The following SLC39A11 variants were observed in gnomAD, a reference collection of about 807,000 sequenced individuals.
SLC39A11 encodes solute carrier family 39 member 11.
SLC39A11 carries 33 observed loss-of-function variants against 36.1 expected under a neutral mutation model. The observed-to-expected ratio is 0.91, with a 90% CI of 0.69 to 1.22. The LOEUF (loss-of-function observed/expected upper bound fraction) is 1.22. SLC39A11 is among the 50% of genes most tolerant of loss of function. SLC39A11 has a pLI of 0.00. For missense variants in SLC39A11, 432 were observed against 430.3 expected (o/e 1.00, Z -0.03); for synonymous variants, 166 against 170.3 (o/e 0.97, Z 0.20).
At chr17:72,828,228 T>A (rs937390102) in intron 6 of SLC39A11, among the ~76,000 whole-genome samples, 2 of 152,252 alleles carry the variant, frequency 1.3e-5, no homozygotes, top group African/African-American at 4.8e-5. Flanking sequence ...GCTAACCAGC[T>A]GACCCTGAGA....
intron 3 of SLC39A11, among the ~76,000 whole-genome samples, chr17:73,074,793 A>G (rs2060269068): frequency 6.6e-6 from 1 of 152,208 alleles, no homozygotes; most frequent in African/African-American, 2.4e-5. Flanking sequence ...CCTTAATAAA[A>G]TCATGTCTTT....
chr17:72,965,599 T>G (rs976854491), intron 4 of SLC39A11, among the ~76,000 whole-genome samples: 1 of 152,248 alleles, frequency 6.6e-6, no homozygotes, highest in Admixed American at 6.5e-5. Flanking sequence ...GGCTAAGCTA[T>G]GATGCTCAGC....
At chr17:72,948,839 G>C (rs1156507045) in intron 4 of SLC39A11, among the ~76,000 whole-genome samples, 1 of 152,204 alleles carries the variant, frequency 6.6e-6, no homozygotes, top group Non-Finnish European at 1.5e-5. Flanking sequence ...TCTGAAGCTT[G>C]TGTTCCGCTT....
chr17:72,729,376 T>C (rs1419263033), intron 7 of SLC39A11, among the ~76,000 whole-genome samples: 2 of 124,720 alleles, frequency 1.6e-5, no homozygotes, highest in Non-Finnish European at 3.4e-5. Context: ...TACCTGGGAC[T>C]ACAGGTGCAT....
At chr17:73,065,134 G>C (rs1022374758) in intron 3 of SLC39A11, among the ~76,000 whole-genome samples, 2 of 152,236 alleles carry the variant, frequency 1.3e-5, no homozygotes, top group Non-Finnish European at 2.9e-5. Flanking sequence ...GCCAGGCTCA[G>C]TGGCTCACGT....
At chr17:72,940,528 G>A (rs1258101885) in intron 5 of SLC39A11, among the ~76,000 whole-genome samples, 1 of 152,134 alleles carries the variant, frequency 6.6e-6, no homozygotes, top group Non-Finnish European at 1.5e-5. Context: ...CACCTGCCTC[G>A]GCCTCCCGAA....
At chr17:72,736,435 C>T (rs1441443402) in intron 7 of SLC39A11, among the ~76,000 whole-genome samples, 1 of 152,198 alleles carries the variant, frequency 6.6e-6, no homozygotes, top group Non-Finnish European at 1.5e-5. Flanking sequence ...AAATGATCAT[C>T]ACCCACTTAA....
intron 6 of SLC39A11, among the ~76,000 whole-genome samples, chr17:72,813,537 C>T (rs966368627): frequency 5.9e-5 from 9 of 152,160 alleles, no homozygotes; most frequent in African/African-American, 2.2e-4. Context: ...TGGATCAGAC[C>T]CTGGGACTAG....
chr17:72,714,898 A>G (rs2073282988), intron 7 of SLC39A11, among the ~76,000 whole-genome samples: 1 of 152,238 alleles, frequency 6.6e-6, no homozygotes, highest in African/African-American at 2.4e-5. Flanking sequence ...TGAGAGGTTC[A>G]TTTGTTTAAA....
At chr17:72,905,717 C>T (rs1355702287) in intron 5 of SLC39A11, among the ~76,000 whole-genome samples, 2 of 152,052 alleles carry the variant, frequency 1.3e-5, no homozygotes, top group Non-Finnish European at 2.9e-5. Flanking sequence ...TCAACCCTGA[C>T]CCCTGCAACT....
intron 7 of SLC39A11, among the ~76,000 whole-genome samples, chr17:72,704,428 T>A (rs1170164495): frequency 6.6e-6 from 1 of 152,194 alleles, no homozygotes; most frequent in East Asian, 1.9e-4. Flanking sequence ...AGTTTTCCCA[T>A]CATTTAGATT....
chr17:73,053,654 CGAAACCAGGATCAAACCCAAGCAAGGT>C (rs2143995883), intron 3 of SLC39A11, among the ~76,000 whole-genome samples: 1 of 152,216 alleles, frequency 6.6e-6, no homozygotes, highest in East Asian at 1.9e-4. Flanking sequence ...TAGTGATTAG[CGAAACCAGGATCAAACCCAAGCAAGGT>C]GACCCCAGGA....
intron 5 of SLC39A11, among the ~76,000 whole-genome samples, chr17:72,919,564 C>T (rs1017215082): frequency 6.7e-5 from 10 of 148,160 alleles, no homozygotes; most frequent in African/African-American, 2.0e-4. Context: ...CCCAGCTACT[C>T]GGGGGGCTGA....
chr17:72,659,265 T>C (rs1371481088), intron 7 of SLC39A11, among the ~76,000 whole-genome samples: 1 of 152,132 alleles, frequency 6.6e-6, no homozygotes, highest in Non-Finnish European at 1.5e-5. Flanking sequence ...CTAAAGGCCA[T>C]AAGATCTAGC....
rs758231772 is a variant in SLC39A11 at position 72,647,549 on chromosome 17, G to A, written c.*35C>T. The A allele has an allele frequency of 2.3e-5, 37 of 1,590,270 alleles. No individual in the cohort carries two copies. Among genetic ancestry groups the A allele is most frequent in the East Asian group, 9.0e-5 (4 of 44,548 alleles). On this transcript the variant is annotated 3_prime_UTR_variant, in exon 10 of 10. Transcript: ENST00000255559. ...AGAAGCCAACCACTGCTGTTTCTTC[G>A]TATGGCCTTTCCCGGGGTCCGAAGC...
chr17:73,008,020 T>C lies in SLC39A11; in HGVS notation c.306+23536A>G, dbSNP rs572098757. ...CAGGAGGCTGAGACAGGAGAATCAC[T>C]TGAACCTAGGAGGTAGAAGGTGCAG... On this transcript the variant is annotated intron_variant, in intron 4 of 9. Transcript: ENST00000255559. 9.8e-4 allele frequency among the ~76,000 whole-genome samples: 149 copies of C among 151,904 alleles called. 1 individual carries two copies. Among genetic ancestry groups the C allele is most frequent in the African/African-American group, 3.4e-3 (140 of 41,474 alleles).
At chr17:72,741,487 G>A (rs923429171) in intron 6 of SLC39A11, among the ~76,000 whole-genome samples, 13 of 151,934 alleles carry the variant, frequency 8.6e-5, no homozygotes, top group African/African-American at 2.4e-4. Flanking sequence ...GACTAGTATC[G>A]ACACATATAT....
At chr17:72,695,803 G>A (rs949663417) in intron 7 of SLC39A11, among the ~76,000 whole-genome samples, 7 of 152,138 alleles carry the variant, frequency 4.6e-5, no homozygotes, top group East Asian at 1.9e-4. Flanking sequence ...GGAATGATGC[G>A]GCCACCAGCC....
Position 72,662,635 on chromosome 17 carries a change from G to GAGAGAAAGAAAGAA in SLC39A11, c.672-13368_672-13367insTTCTTTCTTTCTCT, listed in dbSNP as rs778548556. Among the ~76,000 whole-genome samples the GAGAGAAAGAAAGAA allele has an allele frequency of 4.8e-3, 557 of 115,882 alleles. 12 individuals carry two copies. The highest frequency in any genetic ancestry group is 0.017 in the African/African-American group (516 of 31,130). 76.0% of individuals were successfully genotyped at this position (115,882 alleles called of 152,430 possible). ...GGAAGGAGAGAAGAAAGAGAAGAAA[G>GAGAGAAAGAAAGAA]AGAGAAAGAAAAAGAAAAAAGAAAA... On this transcript the variant is annotated intron_variant, in intron 7 of 9. Coordinates refer to ENST00000255559, the MANE Select transcript of SLC39A11 (RefSeq NM_139177.4).
Sources: allele counts gnomAD v4.1 joint callset (sites outside exome capture counted in the v4.1 genomes callset), GRCh38; gene constraint gnomAD v4.1.1; transcripts MANE v1.5; gene names NCBI Gene and HGNC (gene_info 2026-07-23, HGNC 2026-07-21).